Variants in CSMD1 observed in about 807,000 individuals in gnomAD.
CSMD1 encodes the protein CUB and Sushi multiple domains 1, also known as CUB and sushi domain-containing protein 1.
Under a neutral mutation model 417.5 loss-of-function variants are expected in CSMD1, and 213 were observed. The ratio of observed to expected loss-of-function variants is 0.51; its 90% CI spans 0.46 to 0.57. The LOEUF (loss-of-function observed/expected upper bound fraction) is 0.57. CSMD1 is among the 20% of genes least tolerant of loss of function. The pLI is 0.00. For synonymous variants in CSMD1, 2,862 were observed against 1,736.8 expected, an observed-to-expected ratio of 1.65 and a Z score of -16.11; for missense variants, 6,923 against 4,529.7, an observed-to-expected ratio of 1.53 and a Z score of -15.17.
intron 5 of CSMD1, among the ~76,000 whole-genome samples, chr8:3,780,080 C>G (rs1342053769): frequency 6.6e-6 from 1 of 152,108 alleles, no homozygotes; most frequent in Admixed American, 6.6e-5. Flanking sequence ...CTTTAAAATC[C>G]TTTTACTGTA....
Position 3,404,435 on chromosome 8 carries a change from G to A in CSMD1, c.2266+1592C>T, listed in dbSNP as rs574483017. 4.6e-5 allele frequency among the ~76,000 whole-genome samples: 7 copies of A among 151,958 alleles called. No homozygotes were observed. The East Asian group carries it at 5.8e-4, about 13-fold the overall frequency. On this transcript the variant is annotated intron_variant, in intron 15 of 69. Transcript: ENST00000635120. ...GCAGGATGAGGTGGTGAAGGATCAT[G>A]CCCCCACCATACTGTGGTTGTCATG...
At chr8:3,700,868 G>A (rs562805458) in intron 7 of CSMD1, among the ~76,000 whole-genome samples, 1 of 152,226 alleles carries the variant, frequency 6.6e-6, no homozygotes, top group African/African-American at 2.4e-5. Flanking sequence ...ACGTTTGAGG[G>A]TCTGGAGAAG....
In CSMD1 at chr8:4,942,876, T is replaced by C. The variant is rs956554297; in HGVS notation, c.85+51456A>G. The stretch of plus-strand genomic sequence containing the variant: ...ACCTTTATTTGTATCCAAAACATTC[T>C]ATGAAAGCTTTTTGGAAAGATATAA... On this transcript the variant is annotated intron_variant, in intron 1 of 69. Coordinates refer to ENST00000635120, the MANE Select transcript of CSMD1 (RefSeq NM_033225.6). 8.5e-5 allele frequency among the ~76,000 whole-genome samples: 13 copies of C among 152,344 alleles called. 1 individual carries two copies. In the South Asian group the frequency reaches 2.1e-3, roughly 24 times the overall value.
intron 1 of CSMD1, among the ~76,000 whole-genome samples, chr8:4,950,243 T>C (rs917914858): frequency 6.6e-6 from 1 of 152,168 alleles, no homozygotes; most frequent in Non-Finnish European, 1.5e-5. Context: ...AATACAAAAT[T>C]AGTCATTTAT....
intron 5 of CSMD1, among the ~76,000 whole-genome samples, chr8:3,918,750 A>G (rs1809009847): frequency 6.6e-6 from 1 of 152,126 alleles, no homozygotes; most frequent in Non-Finnish European, 1.5e-5. Flanking sequence ...ATTAGAGACT[A>G]TTCTTCTAAG....
chr8:3,720,040 G>C (rs1010016481), intron 6 of CSMD1, among the ~76,000 whole-genome samples: 1 of 152,182 alleles, frequency 6.6e-6, no homozygotes, highest in African/African-American at 2.4e-5. Context: ...AGCCTGTGTG[G>C]TTACACAAAG....
chr8:4,300,643 C>G (rs144134737), intron 3 of CSMD1, among the ~76,000 whole-genome samples: 260 of 152,254 alleles, frequency 1.7e-3, no homozygotes, highest in Non-Finnish European at 2.4e-3. Context: ...ATTAACTCGT[C>G]ATTTAGCATT....
chr8:4,748,731 A>G (rs936475604), intron 1 of CSMD1, among the ~76,000 whole-genome samples: 1 of 152,238 alleles, frequency 6.6e-6, no homozygotes, highest in African/African-American at 2.4e-5. Context: ...AGAATACTCA[A>G]AGTAAAATGC....
chr8:4,002,195 G>C (rs547217243), intron 4 of CSMD1, among the ~76,000 whole-genome samples: 14 of 151,632 alleles, frequency 9.2e-5, no homozygotes, highest in African/African-American at 2.9e-4. Flanking sequence ...ATTAGTGTTG[G>C]TGCCTGTGAG....
At chr8:3,345,543 T>C (rs565393864) in intron 22 of CSMD1, among the ~76,000 whole-genome samples, 54 of 152,272 alleles carry the variant, frequency 3.5e-4, no homozygotes, top group South Asian at 2.5e-3. Context: ...CTGATTCCAA[T>C]TGGATGAGGA....
intron 5 of CSMD1, among the ~76,000 whole-genome samples, chr8:3,900,430 G>T (rs371801554): frequency 6.6e-6 from 1 of 151,638 alleles, no homozygotes; most frequent in South Asian, 2.1e-4. Flanking sequence ...TGACAGTGTA[G>T]CTGGGTGACA....
chr8:4,918,137 A>C (rs1806193745), intron 1 of CSMD1, among the ~76,000 whole-genome samples: 1 of 152,218 alleles, frequency 6.6e-6, no homozygotes, highest in Non-Finnish European at 1.5e-5. Context: ...CCCCTGAAAA[A>C]TTCTTCCTTT....
At chr8:4,079,747 G>C (rs1468332520) in intron 3 of CSMD1, among the ~76,000 whole-genome samples, 33 of 152,078 alleles carry the variant, frequency 2.2e-4, no homozygotes, top group Admixed American at 2.2e-3. Context: ...TTGTAGTGAT[G>C]AAAAATAGTT....
At chr8:4,667,880 C>T (rs1266292137) in intron 1 of CSMD1, among the ~76,000 whole-genome samples, 1 of 152,180 alleles carries the variant, frequency 6.6e-6, no homozygotes, top group Non-Finnish European at 1.5e-5. Flanking sequence ...GCTAAAACTG[C>T]TAATGGAATT....
intron 2 of CSMD1, among the ~76,000 whole-genome samples, chr8:4,595,204 C>T (rs2724978): frequency 0.99 from 150,157 of 152,058 alleles, 74,150 homozygotes; most frequent in East Asian, 1. Flanking sequence ...AAAATGTAGA[C>T]ACGTAGGAAC....
chr8:3,794,482 T>C (rs1353914334), intron 5 of CSMD1, among the ~76,000 whole-genome samples: 1 of 152,184 alleles, frequency 6.6e-6, no homozygotes, highest in African/African-American at 2.4e-5. Context: ...AAATAGTTTT[T>C]CATAGCTACT....
chr8:4,925,673 A>C (rs1806816334), intron 1 of CSMD1, among the ~76,000 whole-genome samples: 5 of 151,786 alleles, frequency 3.3e-5, no homozygotes, highest in Admixed American at 3.3e-4. Context: ...CAGCCTCCCA[A>C]GTAGCTGGGA....
intron 2 of CSMD1, among the ~76,000 whole-genome samples, chr8:4,461,870 A>C (rs986447540): frequency 6.6e-6 from 1 of 151,166 alleles, no homozygotes; most frequent in African/African-American, 2.4e-5. Context: ...CCTCCCGAGT[A>C]GCTCGGACTA....
chr8:3,115,491 T>G (rs764506036), intron 42 of CSMD1, among the ~76,000 whole-genome samples: 41 of 152,298 alleles, frequency 2.7e-4, no homozygotes, highest in Non-Finnish European at 4.1e-4. Context: ...CGTGAGCCAC[T>G]GTGCCCGGCC....
Sources: allele counts gnomAD v4.1 joint callset (sites outside exome capture counted in the v4.1 genomes callset), GRCh38; gene constraint gnomAD v4.1.1; transcripts MANE v1.5; gene names NCBI Gene and HGNC (gene_info 2026-07-23, HGNC 2026-07-21).